CCDC167: variants seen among roughly 807,000 people sequenced by gnomAD.
The protein encoded by CCDC167 is coiled-coil domain-containing protein 167.
Under a neutral mutation model 12.7 loss-of-function variants are expected in CCDC167, and 15 were observed. The ratio of observed to expected loss-of-function variants is 1.18; its 90% CI spans 0.79 to 1.81. The LOEUF is 1.81. Among genes scored for constraint, CCDC167 ranks in the 40% most tolerant of loss-of-function variants. The probability of loss-of-function intolerance (pLI) is 0.00; values close to 1 mark genes in which losing one functional copy is unlikely to be tolerated. For missense variants in CCDC167, 121 were observed against 120.1 expected (o/e 1.01, Z -0.03); for synonymous variants, 52 against 49.0 (o/e 1.06, Z -0.26).
rs549020390 is a variant in CCDC167, at chr6:37,495,473, C to T, written c.42+4349G>A. 1.7e-4 allele frequency among the ~76,000 whole-genome samples: 26 copies of T among 152,344 alleles called. No individual in the cohort carries two copies. The South Asian group carries it at 3.7e-3, about 22-fold the overall frequency. ...CCTTCCTCCCACACAACATTAAAAT[C>T]AGTACTGGGTGGGTGATTTCTCATT... On this transcript the variant is annotated intron_variant, in intron 1 of 3. Transcript: ENST00000373408.
At chr6:37,491,786 ACT>A (rs932225937) in intron 1 of CCDC167, among the ~76,000 whole-genome samples, 7 of 152,106 alleles carry the variant, frequency 4.6e-5, no homozygotes, top group African/African-American at 1.7e-4. Context: ...ACACCGATTA[ACT>A]CACATAATGC....
Position 37,499,853 on chromosome 6 carries a change from T to C in CCDC167, c.11A>G (p.Lys4Arg), listed in dbSNP as rs760053673. 13 of 1,614,184 alleles carry C rather than the reference T, an allele frequency of 8.1e-6. No individual in the cohort carries two copies. In the East Asian group the frequency reaches 2.0e-4, roughly 25 times the overall value. The change falls in exon 1 of 4, where the codon AAG becomes AGG. Residue 4 changes from lysine (K) to arginine (R), a missense_variant. Lys to Arg is a conservative substitution (Grantham distance 26). Coordinates refer to ENST00000373408, the MANE Select transcript of CCDC167 (RefSeq NM_138493.3). MTK[K>R]KRENLGVALE... is the part of the protein sequence containing the mutation. ...AGCGACGCCCAGATTCTCCCGCTTC[T>C]TTTTAGTCATGTTACTTGCCGGGAT...
chr6:37,483,400 CA>C (rs1487227321), intron 3 of CCDC167, 111 bp from the exon 4 acceptor site: 4 of 701,802 alleles, frequency 5.7e-6, no homozygotes, highest in Non-Finnish European at 1.0e-5. Flanking sequence ...CGCACCCTTC[CA>C]GCCACCTCCT....
intron 1 of CCDC167, among the ~76,000 whole-genome samples, chr6:37,497,173 A>G (rs1185618953): frequency 1.3e-5 from 2 of 152,122 alleles, no homozygotes; most frequent in Non-Finnish European, 2.9e-5. Flanking sequence ...ATATTCCTTC[A>G]TTTACATACT....
chr6:37,487,166 A>G (rs182618722), intron 1 of CCDC167, among the ~76,000 whole-genome samples: 63 of 152,286 alleles, frequency 4.1e-4, no homozygotes, highest in African/African-American at 1.4e-3. Flanking sequence ...AATGGTGCCA[A>G]CTGGCAGCCC....
intron 1 of CCDC167, among the ~76,000 whole-genome samples, chr6:37,486,817 G>C (rs553056888): frequency 1.2e-3 from 184 of 152,340 alleles, no homozygotes; most frequent in African/African-American, 4.1e-3. Flanking sequence ...ATTCAGGGAA[G>C]AGCGGCAGCC....
chr6:37,486,053 C>G (rs1761939066), intron 1 of CCDC167, among the ~76,000 whole-genome samples: 1 of 152,178 alleles, frequency 6.6e-6, no homozygotes. Context: ...AGCTGGCCAC[C>G]TCTCTGGCTG....
chr6:37,494,056 CTTTT>C (rs70977666), intron 1 of CCDC167, among the ~76,000 whole-genome samples: 8 of 91,378 alleles, frequency 8.8e-5, no homozygotes, highest in East Asian at 4.4e-4. Flanking sequence ...GTGATCCTGC[CTTTT>C]TTTTTTTTTT....
In CCDC167 at chr6:37,489,844, C is replaced by A. The variant is rs181602393; in HGVS notation, c.43-4650G>T. Among the ~76,000 whole-genome samples the A allele has an allele frequency of 3.3e-3, 503 of 152,298 alleles. 2 individuals carry two copies. Among genetic ancestry groups the A allele is most frequent in the African/African-American group, 0.012 (481 of 41,564 alleles). ...TGCCTGGCTCAGGGGCCAGGACTTGCCTGGAGCTATCAGGGGGCAGCACTT... is the reference window on the plus strand; with the variant it reads ...TGCCTGGCTCAGGGGCCAGGACTTGACTGGAGCTATCAGGGGGCAGCACTT... On this transcript the variant is annotated intron_variant, in intron 1 of 3. Coordinates refer to ENST00000373408, the MANE Select transcript of CCDC167 (RefSeq NM_138493.3).
intron 1 of CCDC167, among the ~76,000 whole-genome samples, chr6:37,499,274 T>C (rs1389868550): frequency 9.9e-5 from 15 of 152,254 alleles, no homozygotes; most frequent in Admixed American, 9.8e-4. Flanking sequence ...AGCCATTCAG[T>C]GACATCACCA....
intron 2 of CCDC167, 44 bp downstream of exon 2, chr6:37,485,056 G>C (rs1367773248): frequency 6.5e-7 from 1 of 1,543,264 alleles, no homozygotes; most frequent in African/African-American, 1.4e-5. Flanking sequence ...ACAGGGGGTG[G>C]GGGCCTGATG....
In CCDC167 at chr6:37,488,193, C is replaced by A. The variant is rs112653605; in HGVS notation, c.43-2999G>T. Among the ~76,000 whole-genome samples, 8 of 152,330 alleles carry A rather than the reference C, an allele frequency of 5.3e-5. 1 individual carries two copies. The highest frequency in any genetic ancestry group is 1.9e-4 in the African/African-American group (8 of 41,576). On this transcript the variant is annotated intron_variant, in intron 1 of 3. Transcript: ENST00000373408. ...AGCTGTCAACATGAGTGGAGAGACT[C>A]CAGGGGACCTGGCTGCAGAGGCAGG...
In CCDC167 at chr6:37,499,806, C is replaced by A. The variant is rs764208051; in HGVS notation, c.42+16G>T. 6.2e-7 allele frequency: 1 copy of A among 1,613,968 alleles called. No individual in the cohort carries two copies. The highest frequency in any genetic ancestry group is 8.5e-7 in the Non-Finnish European group (1 of 1,179,858). On this transcript the variant is annotated intron_variant, in intron 1 of 3. Coordinates refer to ENST00000373408, the MANE Select transcript of CCDC167 (RefSeq NM_138493.3). ...GGCAACTAACGAGGTGGCCCAACCC[C>A]CACTTTTCCCCTCACCTCTAGAGCG...
At chr6:37,487,793 C>T (rs954345533) in intron 1 of CCDC167, among the ~76,000 whole-genome samples, 6 of 152,228 alleles carry the variant, frequency 3.9e-5, no homozygotes, top group Non-Finnish European at 5.9e-5. Context: ...AGCTGGCAGT[C>T]GGGGGCCTTT....
Position 37,483,390 on chromosome 6 carries a change from C to T in CCDC167, c.191-101G>A, listed in dbSNP as rs145202609. The T allele has an allele frequency of 1.7e-3, 1,293 of 760,630 alleles. 2 individuals carry two copies. Among genetic ancestry groups the T allele is most frequent in the African/African-American group, 7.3e-3 (431 of 58,816 alleles). The allele number at this position is 760,630 out of a possible 1,614,324, so 47.1% of individuals were successfully genotyped here. ...GGGTACACACTGCTGAGGGCAAAGACGCACCCTTCCAGCCACCTCCTTACC... is the reference window on the plus strand; with the variant it reads ...GGGTACACACTGCTGAGGGCAAAGATGCACCCTTCCAGCCACCTCCTTACC... On this transcript the variant is annotated intron_variant, in intron 3 of 3. Coordinates refer to ENST00000373408, the MANE Select transcript of CCDC167 (RefSeq NM_138493.3).
At chr6:37,483,336 G>C (rs758759596) in intron 3 of CCDC167, 47 bp from the exon 4 acceptor site, 1 of 1,329,792 alleles carries the variant, frequency 7.5e-7, no homozygotes, top group Non-Finnish European at 1.1e-6. Flanking sequence ...GTTTAGGCCC[G>C]TCTGTTCTGC....
At chr6:37,491,400 C>T (rs1035838471) in intron 1 of CCDC167, among the ~76,000 whole-genome samples, 3 of 152,194 alleles carry the variant, frequency 2.0e-5, no homozygotes, top group Admixed American at 6.5e-5. Flanking sequence ...AAGGCACCCC[C>T]GGGGCCTGGT....
At chr6:37,491,916 C>A (rs1762027000) in intron 1 of CCDC167, among the ~76,000 whole-genome samples, 1 of 152,172 alleles carries the variant, frequency 6.6e-6, no homozygotes, top group African/African-American at 2.4e-5. Flanking sequence ...AGCTGGGCAG[C>A]CACGTCTGTG....
chr6:37,495,670 T>C (rs1762088804), intron 1 of CCDC167, among the ~76,000 whole-genome samples: 1 of 152,228 alleles, frequency 6.6e-6, no homozygotes, highest in African/African-American at 2.4e-5. Context: ...AAGAGGTGGC[T>C]GCTTATACAG....
Sources: gnomAD v4.1 joint callset for allele counts (sites outside exome capture counted in the v4.1 genomes callset) on GRCh38, gnomAD v4.1.1 for gene constraint, MANE v1.5 for transcripts, NCBI Gene and HGNC (gene_info 2026-07-23, HGNC 2026-07-21) for gene names.